ARHGEF12: variants seen among roughly 807,000 people sequenced by gnomAD.
ARHGEF12 encodes the protein Rho guanine nucleotide exchange factor 12, also known as KMT2A/ARHGEF12 fusion protein.
ARHGEF12 carries 66 observed loss-of-function variants against 211.2 expected under a neutral mutation model. The observed-to-expected ratio is 0.31, with a 90% CI of 0.26 to 0.38. ARHGEF12 has a LOEUF of 0.38. Among genes scored for constraint, ARHGEF12 ranks in the 10% least tolerant of loss-of-function variants. The probability of loss-of-function intolerance (pLI) is 1.00; values close to 1 mark genes in which losing one functional copy is unlikely to be tolerated. For missense variants in ARHGEF12, 1,429 were observed against 1,869.5 expected, an observed-to-expected ratio of 0.76 and a Z score of 4.34; for synonymous variants, 592 against 638.4, an observed-to-expected ratio of 0.93 and a Z score of 1.09.
intron 9 of ARHGEF12, 56 bp from the exon 10 acceptor site, chr11:120,429,656 T>G: frequency 1.3e-6 from 2 of 1,578,922 alleles, no homozygotes; most frequent in Non-Finnish European, 1.7e-6. Flanking sequence ...ATGGACTATT[T>G]CTGTATCTTT....
intron 4 of ARHGEF12, among the ~76,000 whole-genome samples, chr11:120,418,430 C>T (rs896115253): frequency 5.3e-5 from 8 of 152,240 alleles, no homozygotes; most frequent in South Asian, 4.1e-4. Flanking sequence ...TATGGACATA[C>T]GACAGTTTGT....
At chr11:120,466,208 C>A (rs918056141) in intron 28 of ARHGEF12, among the ~76,000 whole-genome samples, 5 of 152,254 alleles carry the variant, frequency 3.3e-5, no homozygotes, top group African/African-American at 4.8e-5. Flanking sequence ...CTGCAGTTTT[C>A]ATCTGATGCT....
chr11:120,413,912 A>T (rs1944954126), intron 4 of ARHGEF12, among the ~76,000 whole-genome samples: 1 of 152,156 alleles, frequency 6.6e-6, no homozygotes, highest in Non-Finnish European at 1.5e-5. Flanking sequence ...CATGTTTAAC[A>T]CTCCATTTTC....
intron 31 of ARHGEF12, among the ~76,000 whole-genome samples, chr11:120,473,898 T>G (rs963796921): frequency 1.3e-5 from 2 of 152,232 alleles, no homozygotes; most frequent in African/African-American, 2.4e-5. Flanking sequence ...TTTAAGTGTT[T>G]TTGTACCATT....
At position 120,336,546 on chromosome 11, in the gene ARHGEF12, G is replaced by T. The variant is rs1027000558; in HGVS notation, c.-698G>T. Among the ~76,000 whole-genome samples, 5 of 152,012 alleles carry T rather than the reference G, an allele frequency of 3.3e-5. No individual in the cohort carries two copies. The highest frequency in any genetic ancestry group is 5.9e-5 in the Non-Finnish European group (4 of 67,960). ...TCGGGGAGGAGCCGCCGCCTCTGGC[G>T]ATTGCGGAAGAGTCCGGGCCTCAAA... On this transcript the variant is annotated 5_prime_UTR_variant, in exon 1 of 41. Transcript: ENST00000397843.
chr11:120,350,498 G>C (rs932385163), intron 1 of ARHGEF12, among the ~76,000 whole-genome samples: 8 of 149,080 alleles, frequency 5.4e-5, no homozygotes, highest in African/African-American at 2.0e-4. Context: ...CTGGGTGACA[G>C]AGCAAGACTC....
intron 1 of ARHGEF12, among the ~76,000 whole-genome samples, chr11:120,364,117 CT>C (rs1424714859): frequency 6.6e-6 from 1 of 152,092 alleles, no homozygotes; most frequent in Non-Finnish European, 1.5e-5. Flanking sequence ...CTCTTACTCA[CT>C]TTTTTGTTCC....
intron 7 of ARHGEF12, among the ~76,000 whole-genome samples, chr11:120,426,873 TTTG>T (rs1407178114): frequency 1.0e-4 from 10 of 96,048 alleles, no homozygotes; most frequent in African/African-American, 2.9e-4. Flanking sequence ...TTTTTTTGTT[TTTG>T]TTTTTGTTTT....
At chr11:120,376,579 A>C (rs151206630) in intron 1 of ARHGEF12, among the ~76,000 whole-genome samples, 278 of 152,288 alleles carry the variant, frequency 1.8e-3, no homozygotes, top group Admixed American at 3.5e-3. Context: ...ACAGGGATAC[A>C]ATGCATGATA....
chr11:120,371,419 T>C (rs1160448426), intron 1 of ARHGEF12, among the ~76,000 whole-genome samples: 1 of 152,122 alleles, frequency 6.6e-6, no homozygotes, highest in African/African-American at 2.4e-5. Context: ...GCCCGGGAGG[T>C]GGAGGTTGCT....
chr11:120,404,164 A>C (rs914513916), intron 1 of ARHGEF12, among the ~76,000 whole-genome samples: 1 of 152,208 alleles, frequency 6.6e-6, no homozygotes, highest in Non-Finnish European at 1.5e-5. Flanking sequence ...CAAATCTGCA[A>C]CTTTAGCCCC....
chr11:120,436,425 G>C (rs1945694298), intron 11 of ARHGEF12, among the ~76,000 whole-genome samples: 1 of 151,924 alleles, frequency 6.6e-6, no homozygotes, highest in Non-Finnish European at 1.5e-5. Flanking sequence ...CACTCGTTAG[G>C]TCTCTGGTTC....
intron 11 of ARHGEF12, among the ~76,000 whole-genome samples, chr11:120,432,323 C>T (rs996642995): frequency 6.6e-6 from 1 of 152,198 alleles, no homozygotes; most frequent in African/African-American, 2.4e-5. Context: ...GGAAAAACCT[C>T]AGTCCTGTTA....
intron 1 of ARHGEF12, among the ~76,000 whole-genome samples, chr11:120,394,141 T>G (rs959445394): frequency 3.9e-5 from 6 of 152,130 alleles, no homozygotes; most frequent in African/African-American, 1.4e-4. Flanking sequence ...ATTTGTTGGT[T>G]GCCATTAAAG....
intron 32 of ARHGEF12, 91 bp downstream of exon 32, chr11:120,474,726 C>G (rs1050837359): frequency 8.3e-6 from 8 of 966,286 alleles, no homozygotes; most frequent in Non-Finnish European, 1.3e-5. Flanking sequence ...AGGAGAGAAC[C>G]ATTCTCTCAG....
intron 16 of ARHGEF12, 100 bp from the exon 17 acceptor site, chr11:120,446,303 A>T: frequency 1.4e-6 from 1 of 714,242 alleles, no homozygotes; most frequent in Non-Finnish European, 2.1e-6. Context: ...TCCCTCTGGC[A>T]TATTCTAAGT....
At position 120,446,645 on chromosome 11, in the gene ARHGEF12, A is replaced by G. The variant is rs528264435; in HGVS notation, c.1451+137A>G. ...TTATTGTTATTAAAACATAATGAAC[A>G]TCTGGAGCCAAAGGGTTAGAGTGGA... On this transcript the variant is annotated intron_variant, in intron 17 of 40. Transcript: ENST00000397843. 164 of 723,962 alleles carry G rather than the reference A, an allele frequency of 2.3e-4. No homozygotes were observed. The African/African-American group carries it at 2.7e-3, about 12-fold the overall frequency. The allele number at this position is 723,962 out of a possible 1,614,324, so 44.8% of individuals were successfully genotyped here. A position where few individuals can be genotyped will look rare whatever the true frequency, so the allele number is the denominator to read the frequency against.
At chr11:120,466,400 C>G (rs752525165) in intron 28 of ARHGEF12, among the ~76,000 whole-genome samples, 48 of 152,190 alleles carry the variant, frequency 3.2e-4, no homozygotes, top group Admixed American at 5.9e-4. Flanking sequence ...TCTTCCAGGC[C>G]AGTAGGAATG....
chr11:120,352,057 AT>A (rs1162919327), intron 1 of ARHGEF12, among the ~76,000 whole-genome samples: 1 of 152,182 alleles, frequency 6.6e-6, no homozygotes, highest in African/African-American at 2.4e-5. Context: ...CAGAAAATAG[AT>A]TTTGTCTTCA....
Sources: allele counts gnomAD v4.1 joint callset (sites outside exome capture counted in the v4.1 genomes callset), GRCh38; gene constraint gnomAD v4.1.1; transcripts MANE v1.5; gene names NCBI Gene and HGNC (gene_info 2026-07-23, HGNC 2026-07-21).